The following KCNMA1 variants were observed in gnomAD, a reference collection of about 807,000 sequenced individuals.
KCNMA1 encodes the protein Calcium-activated potassium channel subunit alpha-1.
In KCNMA1, 29 loss-of-function variants were observed where a neutral mutation model predicts 140.0. The observed-to-expected ratio is 0.21, with a 90% CI of 0.15 to 0.28. KCNMA1 has a LOEUF of 0.28. Among genes scored for constraint, KCNMA1 ranks in the 10% least tolerant of loss-of-function variants. KCNMA1 has a pLI of 1.00. For synonymous variants in KCNMA1, 612 were observed against 611.9 expected, an observed-to-expected ratio of 1.00 and a Z score of 0.00; for missense variants, 880 against 1,602.2, an observed-to-expected ratio of 0.55 and a Z score of 7.70.
At chr10:77,129,655 A>C (rs1446493472) in intron 5 of KCNMA1, among the ~76,000 whole-genome samples, 2 of 152,160 alleles carry the variant, frequency 1.3e-5, no homozygotes, top group African/African-American at 4.8e-5. Flanking sequence ...CTGATTTTTT[A>C]GTTCAGTGTT....
chr10:77,006,810 A>G (rs1250100453), intron 18 of KCNMA1, among the ~76,000 whole-genome samples: 1 of 152,208 alleles, frequency 6.6e-6, no homozygotes, highest in Admixed American at 6.5e-5. Flanking sequence ...TGCAGGTATG[A>G]AAGTGGGCCA....
intron 6 of KCNMA1, among the ~76,000 whole-genome samples, chr10:77,117,165 C>G (rs2097495911): frequency 6.6e-6 from 1 of 152,158 alleles, no homozygotes; most frequent in South Asian, 2.1e-4. Context: ...TAATCATTAT[C>G]TCAAAGTAGT....
intron 2 of KCNMA1, among the ~76,000 whole-genome samples, chr10:77,333,422 AAGAG>A (rs1173094607): frequency 6.0e-5 from 9 of 150,012 alleles, no homozygotes; most frequent in Non-Finnish European, 1.2e-4. Flanking sequence ...AAAGAAAAGA[AAGAG>A]AAGAAAAGAA....
At chr10:77,222,006 C>A (rs372439367) in intron 3 of KCNMA1, among the ~76,000 whole-genome samples, 1 of 151,854 alleles carries the variant, frequency 6.6e-6, no homozygotes, top group Non-Finnish European at 1.5e-5. Flanking sequence ...AAATGGTGAT[C>A]ATAACTCCTT....
At chr10:77,236,339 C>T (rs990590119) in intron 3 of KCNMA1, among the ~76,000 whole-genome samples, 3 of 152,128 alleles carry the variant, frequency 2.0e-5, no homozygotes, top group Non-Finnish European at 4.4e-5. Context: ...AAATTGTAAC[C>T]GTGAGTATAA....
intron 3 of KCNMA1, among the ~76,000 whole-genome samples, chr10:77,199,749 T>G (rs556839672): frequency 6.6e-6 from 1 of 152,174 alleles, no homozygotes; most frequent in South Asian, 2.1e-4. Context: ...GGGCTAAGCT[T>G]GGGCAGAGAG....
chr10:77,627,983 C>G (rs767906040), intron 1 of KCNMA1, among the ~76,000 whole-genome samples: 1 of 152,152 alleles, frequency 6.6e-6, no homozygotes, highest in Non-Finnish European at 1.5e-5. Flanking sequence ...ACCTGAAGCC[C>G]CCAGCCAGCA....
At chr10:77,447,338 T>C (rs1048567191) in intron 1 of KCNMA1, among the ~76,000 whole-genome samples, 2 of 152,180 alleles carry the variant, frequency 1.3e-5, no homozygotes, top group Non-Finnish European at 2.9e-5. Context: ...CAGAGGTGGA[T>C]TCCTAATAAA....
At chr10:77,535,402 G>A (rs1190901351) in intron 1 of KCNMA1, among the ~76,000 whole-genome samples, 1 of 152,204 alleles carries the variant, frequency 6.6e-6, no homozygotes, top group African/African-American at 2.4e-5. Flanking sequence ...AACAAATGCT[G>A]GCAAGGAAGT....
At chr10:77,561,053 A>G (rs1284804874) in intron 1 of KCNMA1, among the ~76,000 whole-genome samples, 2 of 41,132 alleles carry the variant, frequency 4.9e-5, no homozygotes, top group African/African-American at 7.6e-5. Context: ...CAATGTATGG[A>G]AACACTTTTT....
intron 1 of KCNMA1, among the ~76,000 whole-genome samples, chr10:77,576,577 T>C (rs1401168168): frequency 6.6e-6 from 1 of 152,206 alleles, no homozygotes; most frequent in Non-Finnish European, 1.5e-5. Flanking sequence ...ATGCTGCATA[T>C]GGTCCTCAGG....
Position 77,211,790 on chromosome 10 carries a change from C to T in KCNMA1, c.603-26874G>A, listed in dbSNP as rs1451920889. On this transcript the variant is annotated intron_variant, in intron 3 of 27. Coordinates refer to ENST00000286628, the MANE Select transcript of KCNMA1 (RefSeq NM_001161352.2). ...ATCCCACTAAAAAATGGACAAAAGA[C>T]ATGAAATGACACTTCTCAAAAGAAG... Among the ~76,000 whole-genome samples, 3 of 152,068 alleles carry T rather than the reference C, an allele frequency of 2.0e-5. No homozygotes were observed. The East Asian group carries it at 5.8e-4, about 29-fold the overall frequency.
chr10:77,270,689 T>A (rs1181242802), intron 2 of KCNMA1, among the ~76,000 whole-genome samples: 1 of 56,962 alleles, frequency 1.8e-5, no homozygotes, highest in Non-Finnish European at 3.0e-5. Context: ...ACCTAGCTAA[T>A]TTTTTTTTTT....
chr10:77,051,659 T>C (rs550730811), intron 14 of KCNMA1, among the ~76,000 whole-genome samples: 145 of 152,310 alleles, frequency 9.5e-4, no homozygotes, highest in Non-Finnish European at 1.9e-3. Context: ...GAGGAAACCA[T>C]GATCCTGAGT....
chr10:76,952,170 T>C, intron 21 of KCNMA1: 2 of 1,551,026 alleles, frequency 1.3e-6, no homozygotes, highest in Non-Finnish European at 1.7e-6. Context: ...CTGCCACAAG[T>C]GGTAACATCA....
intron 1 of KCNMA1, among the ~76,000 whole-genome samples, chr10:77,545,300 TA>T (rs1210653462): frequency 2.0e-5 from 3 of 152,224 alleles, no homozygotes; most frequent in African/African-American, 7.2e-5. Context: ...TTTATCTTCC[TA>T]ATTAAATTTT....
rs200723995 is a variant in KCNMA1, at chr10:76,887,324, C to T, written c.3653G>A (p.Arg1218Gln). ...SIPSTANRQN[R>Q]PKSRESRDKQ... ...GTCCCGGGACTCCCTGGACTTGGGCCGGTTCTGTCGGTTTGCTGTGGATGG... is the reference window on the plus strand; with the variant it reads ...GTCCCGGGACTCCCTGGACTTGGGCTGGTTCTGTCGGTTTGCTGTGGATGG... The change falls in exon 28 of 28, where the codon CGG (arginine) becomes CAG (glutamine). Residue 1218 changes from arginine to glutamine, a missense_variant. Physicochemically the swap from Arg to Gln is conservative, Grantham distance 43 (BLOSUM62 1). Transcript: ENST00000286628. 8.7e-6 allele frequency: 14 copies of T among 1,614,074 alleles called. No homozygotes were observed. The highest frequency in any genetic ancestry group is 1.3e-5 in the African/African-American group (1 of 75,006).
intron 19 of KCNMA1, among the ~76,000 whole-genome samples, chr10:76,972,602 A>G (rs565252086): frequency 6.6e-6 from 1 of 152,230 alleles, no homozygotes; most frequent in South Asian, 2.1e-4. Flanking sequence ...TGCCTCTTCT[A>G]TGCAAAGAAA....
intron 1 of KCNMA1, among the ~76,000 whole-genome samples, chr10:77,592,838 G>A (rs985547869): frequency 2.6e-5 from 4 of 152,166 alleles, no homozygotes; most frequent in Admixed American, 6.5e-5. Context: ...TCCTGCAGCT[G>A]TGCCCACTGA....
Sources: gnomAD v4.1 joint callset for allele counts (sites outside exome capture counted in the v4.1 genomes callset) on GRCh38, gnomAD v4.1.1 for gene constraint, MANE v1.5 for transcripts, NCBI Gene and HGNC (gene_info 2026-07-23, HGNC 2026-07-21) for gene names.